KIF16B: variants seen among roughly 807,000 people sequenced by gnomAD.
The protein encoded by KIF16B is kinesin-like protein KIF16B.
Under a neutral mutation model 156.3 loss-of-function variants are expected in KIF16B, and 98 were observed. The ratio of observed to expected loss-of-function variants is 0.63; its 90% CI spans 0.53 to 0.74. The LOEUF (loss-of-function observed/expected upper bound fraction) is 0.74. KIF16B is among the 30% of genes least tolerant of loss of function. The pLI is 0.00. For missense variants in KIF16B, 1,421 were observed against 1,606.5 expected (o/e 0.88, Z 1.97); for synonymous variants, 564 against 583.7 (o/e 0.97, Z 0.49).
At chr20:16,547,735 C>A (rs1475019433) in intron 1 of KIF16B, among the ~76,000 whole-genome samples, 1 of 152,218 alleles carries the variant, frequency 6.6e-6, no homozygotes, top group Admixed American at 6.5e-5. Context: ...ACTCTAAACA[C>A]ATGCATTATT....
chr20:16,279,736 C>A (rs1376166722), intron 25 of KIF16B, among the ~76,000 whole-genome samples: 13 of 122,522 alleles, frequency 1.1e-4, no homozygotes, highest in African/African-American at 3.7e-4. Flanking sequence ...TGGAAGGCTC[C>A]TGCCCCAGAC....
In KIF16B at chr20:16,504,366, C is replaced by T. The variant is rs770001402; in HGVS notation, c.1176+6G>A. ...AAATTATCCATAAATCTCAGAAAAA[C>T]CCAACCTGATTCCCTTGAGCAAGCA... On this transcript the variant is annotated splice_donor_region_variant and intron_variant, in intron 10 of 25. Coordinates refer to ENST00000354981, the MANE Select transcript of KIF16B (RefSeq NM_024704.5). 1 of 1,612,930 alleles carries T rather than the reference C, an allele frequency of 6.2e-7. No homozygotes were observed. The highest frequency in any genetic ancestry group is 1.7e-5 in the Admixed American group (1 of 59,900).
At chr20:16,461,861 G>GA (rs2067354214) in intron 12 of KIF16B, among the ~76,000 whole-genome samples, 1 of 152,218 alleles carries the variant, frequency 6.6e-6, no homozygotes. Flanking sequence ...AGTTATTTGA[G>GA]AATCAGTGGC....
At chr20:16,496,629 G>A (rs1397575671) in intron 11 of KIF16B, among the ~76,000 whole-genome samples, 12 of 152,068 alleles carry the variant, frequency 7.9e-5, no homozygotes, top group African/African-American at 1.7e-4. Flanking sequence ...AAATTAATAC[G>A]TTTATTAGTT....
chr20:16,273,469 T>C, intron 25 of KIF16B, 58 bp from the exon 26 acceptor site: 2 of 1,467,436 alleles, frequency 1.4e-6, no homozygotes, highest in Non-Finnish European at 1.9e-6. Flanking sequence ...GCGGGTGGGA[T>C]CGCTTGAGCT....
chr20:16,516,488 C>CA (rs1239331198), intron 3 of KIF16B, among the ~76,000 whole-genome samples: 3 of 152,088 alleles, frequency 2.0e-5, no homozygotes, highest in Non-Finnish European at 4.4e-5. Flanking sequence ...CCTCTCAGCC[C>CA]AGCACACTAA....
chr20:16,459,540 A>C (rs2067292146), intron 12 of KIF16B, among the ~76,000 whole-genome samples: 1 of 152,210 alleles, frequency 6.6e-6, no homozygotes, highest in Admixed American at 6.5e-5. Context: ...CAGATGACTC[A>C]AGTGTAACAG....
chr20:16,336,646 C>A (rs2064042946), intron 23 of KIF16B, among the ~76,000 whole-genome samples: 1 of 152,160 alleles, frequency 6.6e-6, no homozygotes, highest in Non-Finnish European at 1.5e-5. Flanking sequence ...ACCCAGGAAC[C>A]TCCAATTCAA....
intron 24 of KIF16B, among the ~76,000 whole-genome samples, chr20:16,332,944 G>C (rs1262293880): frequency 6.6e-6 from 1 of 152,058 alleles, no homozygotes; most frequent in Non-Finnish European, 1.5e-5. Context: ...GAGCTCTCTA[G>C]CACCCCAACC....
chr20:16,521,458 C>T (rs377002085), intron 3 of KIF16B, among the ~76,000 whole-genome samples: 1 of 151,678 alleles, frequency 6.6e-6, no homozygotes, highest in East Asian at 2.0e-4. Context: ...AGCATGAAGA[C>T]AAGATTGGAG....
rs746702176 is a variant in KIF16B, at chr20:16,273,203, C to T, written c.*50G>A. On this transcript the variant is annotated 3_prime_UTR_variant, in exon 26 of 26. Coordinates refer to ENST00000354981, the MANE Select transcript of KIF16B (RefSeq NM_024704.5). ...GGGGGAGCTGCCCTGCATCGGAGCCCGCTTCGACGAGAAGGCACTGCTGTG... is the reference window on the plus strand; with the variant it reads ...GGGGGAGCTGCCCTGCATCGGAGCCTGCTTCGACGAGAAGGCACTGCTGTG... 1.4e-5 allele frequency: 21 copies of T among 1,532,660 alleles called. No individual in the cohort carries two copies. The highest frequency in any genetic ancestry group is 2.0e-4 in the Middle Eastern group (1 of 5,004). 94.9% of individuals were successfully genotyped at this position (1,532,660 alleles called of 1,614,324 possible). A position where few individuals can be genotyped will look rare whatever the true frequency, so the allele number is the denominator to read the frequency against.
At chr20:16,358,073 C>CA (rs1259235195) in intron 22 of KIF16B, among the ~76,000 whole-genome samples, 1 of 152,130 alleles carries the variant, frequency 6.6e-6, no homozygotes, top group Non-Finnish European at 1.5e-5. Context: ...CCTGTAGTCC[C>CA]AGCTACTTGG....
chr20:16,327,030 T>C (rs188324441), intron 24 of KIF16B, among the ~76,000 whole-genome samples: 44 of 146,732 alleles, frequency 3.0e-4, no homozygotes, highest in African/African-American at 7.6e-4. Flanking sequence ...TGTATATATA[T>C]ACACACACAC....
chr20:16,453,079 G>A (rs960644501), intron 12 of KIF16B, among the ~76,000 whole-genome samples: 4 of 148,946 alleles, frequency 2.7e-5, no homozygotes, highest in Non-Finnish European at 4.4e-5. Flanking sequence ...ACTAGCCTGG[G>A]CAACATAGTG....
At chr20:16,366,753 C>A (rs1198271240) in intron 22 of KIF16B, 14 of 818,004 alleles carry the variant, frequency 1.7e-5, no homozygotes, top group Non-Finnish European at 1.2e-5. Flanking sequence ...CTAGACTGGG[C>A]ACTTTTTCAG....
intron 22 of KIF16B, among the ~76,000 whole-genome samples, chr20:16,359,394 C>T (rs1249985647): frequency 6.6e-6 from 1 of 152,166 alleles, no homozygotes; most frequent in Non-Finnish European, 1.5e-5. Flanking sequence ...TACCTGCTTC[C>T]CCTTCACCTT....
chr20:16,472,475 G>A (rs939660761), intron 12 of KIF16B, among the ~76,000 whole-genome samples: 13 of 150,426 alleles, frequency 8.6e-5, no homozygotes, highest in Non-Finnish European at 1.8e-4. Context: ...CACTGGGTAG[G>A]AGCAGGGAGG....
chr20:16,435,813 T>C (rs1177814237), intron 12 of KIF16B, among the ~76,000 whole-genome samples: 1 of 152,196 alleles, frequency 6.6e-6, no homozygotes, highest in African/African-American at 2.4e-5. Flanking sequence ...CTTGATATTT[T>C]CTAAAATTAT....
At chr20:16,303,978 G>A (rs1443700463) in intron 25 of KIF16B, among the ~76,000 whole-genome samples, 1 of 152,146 alleles carries the variant, frequency 6.6e-6, no homozygotes, top group Non-Finnish European at 1.5e-5. Context: ...TTCCAGCTTA[G>A]AGTTTAACCT....
Sources: gnomAD v4.1 joint callset for allele counts (sites outside exome capture counted in the v4.1 genomes callset) on GRCh38, gnomAD v4.1.1 for gene constraint, MANE v1.5 for transcripts, NCBI Gene and HGNC (gene_info 2026-07-23, HGNC 2026-07-21) for gene names.